Variants in BCAS4 observed in about 807,000 individuals in gnomAD.
The protein encoded by BCAS4 is breast carcinoma-amplified sequence 4.
In BCAS4, 9 loss-of-function variants were observed where a neutral mutation model predicts 15.7. The ratio of observed to expected loss-of-function variants is 0.57; its 90% CI spans 0.34 to 1.00. The LOEUF (loss-of-function observed/expected upper bound fraction) is 1.00. Among genes scored for constraint, BCAS4 ranks in the 50% least tolerant of loss-of-function variants. The probability of loss-of-function intolerance (pLI) is 0.02; values close to 1 mark genes in which losing one functional copy is unlikely to be tolerated. For missense variants in BCAS4, 225 were observed against 239.1 expected (o/e 0.94, Z 0.39); for synonymous variants, 101 against 99.5 (o/e 1.02, Z -0.09).
chr20:50,866,692 T>C (rs1316319089), intron 4 of BCAS4, among the ~76,000 whole-genome samples: 5 of 152,192 alleles, frequency 3.3e-5, no homozygotes. Context: ...TCCTGGTTCC[T>C]GACTGAGAGC....
chr20:50,821,768 C>G (rs975352019), intron 2 of BCAS4, among the ~76,000 whole-genome samples: 2 of 152,152 alleles, frequency 1.3e-5, no homozygotes, highest in African/African-American at 2.4e-5. Context: ...TCCAGCTTCC[C>G]GTCTGCTCTA....
chr20:50,849,899 G>A (rs1568676571), intron 4 of BCAS4, among the ~76,000 whole-genome samples: 1 of 152,220 alleles, frequency 6.6e-6, no homozygotes, highest in Non-Finnish European at 1.5e-5. Flanking sequence ...GGCCAAGGCA[G>A]GAGGATCACT....
chr20:50,841,449 C>T (rs922726146), intron 3 of BCAS4, among the ~76,000 whole-genome samples: 1 of 152,166 alleles, frequency 6.6e-6, no homozygotes, highest in African/African-American at 2.4e-5. Flanking sequence ...GCCCCTGCCA[C>T]TTCCTGACTT....
intron 4 of BCAS4, among the ~76,000 whole-genome samples, chr20:50,850,787 C>A (rs944648434): frequency 4.6e-5 from 7 of 152,126 alleles, no homozygotes; most frequent in Non-Finnish European, 5.9e-5. Flanking sequence ...TTTGAGTCTC[C>A]CCCCCGGTAG....
intron 4 of BCAS4, chr20:50,846,653 G>A (rs1193674646): frequency 8.6e-6 from 1 of 116,802 alleles, no homozygotes; most frequent in Non-Finnish European, 1.6e-5. Context: ...TCACTCTGTC[G>A]CACAGGCTGG....
At chr20:50,816,589 T>C (rs1210475909) in intron 1 of BCAS4, among the ~76,000 whole-genome samples, 5 of 152,172 alleles carry the variant, frequency 3.3e-5, no homozygotes, top group Admixed American at 6.5e-5. Flanking sequence ...TGAGCACCTC[T>C]CAGATCACAA....
At chr20:50,802,070 C>T (rs1489603103) in intron 1 of BCAS4, among the ~76,000 whole-genome samples, 1 of 152,066 alleles carries the variant, frequency 6.6e-6, no homozygotes, top group Non-Finnish European at 1.5e-5. Flanking sequence ...TGTGGTAGCT[C>T]ATGCCTGTAG....
chr20:50,864,223 C>T (rs1192179079), intron 4 of BCAS4, among the ~76,000 whole-genome samples: 6 of 152,260 alleles, frequency 3.9e-5, no homozygotes, highest in Middle Eastern at 3.4e-3. Flanking sequence ...AGCCCACGCC[C>T]GGGGCCTGAT....
chr20:50,841,888 C>T lies in BCAS4; in HGVS notation c.387C>T (p.Pro129=), dbSNP rs758020860. Residue 129 remains proline (P), a synonymous_variant, in exon 4 of 5, where the codon CCC becomes CCT. Coordinates refer to ENST00000371608, the MANE Select transcript of BCAS4 (RefSeq NM_198799.4). ...LRRWLGSAGL[P]SFRNKSPAPV... is the part of the protein sequence containing the mutation. ...GGTGGCTGGGATCCGCAGGGCTCCC[C>T]TCCTTCAGGAACGTGAGTATCCTGC... The T allele has an allele frequency of 2.5e-6, 4 of 1,586,642 alleles. No homozygotes were observed. Among genetic ancestry groups the T allele is most frequent in the Admixed American group, 1.8e-5 (1 of 56,196 alleles).
At chr20:50,836,026 T>A (rs1386728364) in intron 3 of BCAS4, among the ~76,000 whole-genome samples, 2 of 151,744 alleles carry the variant, frequency 1.3e-5, no homozygotes, top group Non-Finnish European at 2.9e-5. Flanking sequence ...CAAGTGATTC[T>A]CCTGCCTCAG....
At chr20:50,823,372 G>A (rs1214074236) in intron 2 of BCAS4, among the ~76,000 whole-genome samples, 1 of 152,018 alleles carries the variant, frequency 6.6e-6, no homozygotes, top group African/African-American at 2.4e-5. Context: ...GCTTATTCAT[G>A]ATACTCCAAA....
intron 4 of BCAS4, among the ~76,000 whole-genome samples, chr20:50,865,047 C>G (rs1478940141): frequency 6.6e-6 from 1 of 152,032 alleles, no homozygotes; most frequent in Non-Finnish European, 1.5e-5. Flanking sequence ...GAGCCGAGAT[C>G]GCACCACTGC....
intron 1 of BCAS4, among the ~76,000 whole-genome samples, chr20:50,807,981 C>T (rs772156549): frequency 6.7e-6 from 1 of 149,376 alleles, no homozygotes; most frequent in Non-Finnish European, 1.5e-5. Flanking sequence ...GATCTCGGCT[C>T]ACTGCAGGCT....
intron 4 of BCAS4, among the ~76,000 whole-genome samples, chr20:50,849,924 C>T (rs199845679): frequency 1.6e-4 from 24 of 152,108 alleles, no homozygotes; most frequent in Non-Finnish European, 2.8e-4. Flanking sequence ...CCCAGGAGTT[C>T]GAGACCAGCC....
intron 4 of BCAS4, among the ~76,000 whole-genome samples, chr20:50,866,290 C>T (rs1043394343): frequency 1.1e-4 from 17 of 152,218 alleles, no homozygotes; most frequent in African/African-American, 3.9e-4. Context: ...GAGGCCTCTC[C>T]ACTGGCATCC....
chr20:50,804,072 CTTG>C (rs1394072842), intron 1 of BCAS4, among the ~76,000 whole-genome samples: 4 of 152,092 alleles, frequency 2.6e-5, no homozygotes, highest in African/African-American at 4.8e-5. Flanking sequence ...GAGTTTCGCT[CTTG>C]TTGTCCAGGC....
At chr20:50,859,402 G>A (rs898310241) in intron 4 of BCAS4, among the ~76,000 whole-genome samples, 2 of 152,184 alleles carry the variant, frequency 1.3e-5, no homozygotes, top group Admixed American at 6.5e-5. Context: ...CCTGGCCCTG[G>A]CGATGGCCTA....
chr20:50,830,707 A>C (rs1192008578), intron 3 of BCAS4, among the ~76,000 whole-genome samples: 1 of 152,114 alleles, frequency 6.6e-6, no homozygotes, highest in East Asian at 1.9e-4. Flanking sequence ...AAAACTAGTC[A>C]GGTGTTGTGG....
chr20:50,868,066 A>T (rs779071614), intron 4 of BCAS4, among the ~76,000 whole-genome samples: 2 of 152,272 alleles, frequency 1.3e-5, no homozygotes, highest in Middle Eastern at 3.4e-3. Flanking sequence ...ATTAGGGCCT[A>T]TCTGATGTTT....
Sources: allele counts gnomAD v4.1 joint callset (sites outside exome capture counted in the v4.1 genomes callset), GRCh38; gene constraint gnomAD v4.1.1; transcripts MANE v1.5; gene names NCBI Gene and HGNC (gene_info 2026-07-23, HGNC 2026-07-21).